Variants in PPP6R3 observed in about 807,000 individuals in gnomAD.
PPP6R3 encodes the protein serine/threonine-protein phosphatase 6 regulatory subunit 3.
A neutral mutation model predicts 110.7 loss-of-function variants in PPP6R3; 38 were observed. The ratio of observed to expected loss-of-function variants is 0.34; its 90% CI spans 0.26 to 0.45. The LOEUF is 0.45. Ranked by LOEUF, PPP6R3 falls within the 20% of genes least tolerant of loss-of-function variation. PPP6R3 has a pLI of 1.00. For synonymous variants in PPP6R3, 369 were observed against 373.5 expected, an observed-to-expected ratio of 0.99 and a Z score of 0.14; for missense variants, 870 against 1,062.4, an observed-to-expected ratio of 0.82 and a Z score of 2.52.
At chr11:68,535,177 G>A (rs976750034) in intron 2 of PPP6R3, among the ~76,000 whole-genome samples, 1 of 151,720 alleles carries the variant, frequency 6.6e-6, no homozygotes, top group Non-Finnish European at 1.5e-5. Flanking sequence ...TTTCCTTCAC[G>A]GCAAATGTGT....
intron 19 of PPP6R3, among the ~76,000 whole-genome samples, chr11:68,600,081 C>T (rs1331852099): frequency 5.3e-5 from 8 of 152,028 alleles, no homozygotes; most frequent in Non-Finnish European, 1.0e-4. Context: ...GAGATCGTGC[C>T]ACTGCACTCC....
intron 1 of PPP6R3, among the ~76,000 whole-genome samples, chr11:68,476,447 AC>A (rs1355471436): frequency 1.2e-5 from 1 of 80,926 alleles, no homozygotes; most frequent in African/African-American, 4.9e-5. Context: ...TCAGAGGGAG[AC>A]CGTGGGGAGA....
intron 3 of PPP6R3, among the ~76,000 whole-genome samples, chr11:68,539,421 T>C (rs887051948): frequency 1.3e-5 from 2 of 152,320 alleles, no homozygotes; most frequent in Admixed American, 1.3e-4. Context: ...GCACTTGTAT[T>C]ATATTGCTTC....
Position 68,596,210 on chromosome 11 carries a change from T to C in PPP6R3, c.2030T>C (p.Leu677Pro). 5 of 1,614,206 alleles carry C rather than the reference T, an allele frequency of 3.1e-6. No individual in the cohort carries two copies. The highest frequency in any genetic ancestry group is 4.2e-6 in the Non-Finnish European group (5 of 1,180,028). ...ACGGAGGATAAAATGGAGGTGGACC[T>C]GAGTGAACGTAAGTGGATTCATTCT... Reference protein sequence around the residue: ...ANTEDKMEVDLSEPPNWSANF... With the variant: ...ANTEDKMEVDPSEPPNWSANF... The change falls in exon 19 of 24, where the codon CTG becomes CCG. Residue 677 changes from leucine to proline, a missense_variant. By Grantham distance (98) the Leu-to-Pro change is moderately conservative. Transcript: ENST00000393800.
intron 1 of PPP6R3, among the ~76,000 whole-genome samples, chr11:68,473,172 G>C (rs2098804533): frequency 6.6e-6 from 1 of 152,176 alleles, no homozygotes; most frequent in Admixed American, 6.5e-5. Flanking sequence ...CTGGTCACTG[G>C]AAAGACCATG....
rs765989315 is a variant in PPP6R3 at position 68,590,655 on chromosome 11, T to C, written c.1731-5T>C. On this transcript the variant is annotated splice_region_variant and splice_polypyrimidine_tract_variant and intron_variant, in intron 16 of 23. Transcript: ENST00000393800. ...TTCCTACACTTTTATTTTGTTTTTTTACAGTGTTTCTTTTGATCGAGTATC... is the reference window on the plus strand; with the variant it reads ...TTCCTACACTTTTATTTTGTTTTTTCACAGTGTTTCTTTTGATCGAGTATC... 2.5e-6 allele frequency: 4 copies of C among 1,580,868 alleles called. No homozygotes were observed. Among genetic ancestry groups the C allele is most frequent in the African/African-American group, 1.3e-5 (1 of 74,658 alleles).
chr11:68,490,152 C>G (rs1445232875), intron 1 of PPP6R3, among the ~76,000 whole-genome samples: 1 of 152,064 alleles, frequency 6.6e-6, no homozygotes, highest in Non-Finnish European at 1.5e-5. Flanking sequence ...AAACAAATCC[C>G]CTCAATTTTG....
At chr11:68,469,611 T>C (rs1301233937) in intron 1 of PPP6R3, among the ~76,000 whole-genome samples, 1 of 151,732 alleles carries the variant, frequency 6.6e-6, no homozygotes, top group Non-Finnish European at 1.5e-5. Flanking sequence ...ACTCCTGGGC[T>C]CAAGCAGTCC....
chr11:68,610,988 G>C (rs1258338935), intron 23 of PPP6R3, among the ~76,000 whole-genome samples: 1 of 152,088 alleles, frequency 6.6e-6, no homozygotes, highest in Non-Finnish European at 1.5e-5. Flanking sequence ...GGAAATTGTA[G>C]CCAAAATAAA....
chr11:68,564,136 A>T (rs1412475196), intron 8 of PPP6R3, among the ~76,000 whole-genome samples, 167 bp from the exon 9 acceptor site: 1 of 152,222 alleles, frequency 6.6e-6, no homozygotes, highest in African/African-American at 2.4e-5. Context: ...TCTGAGCCTC[A>T]TGGAGGTTTC....
rs7125902 is a variant in PPP6R3, at chr11:68,552,947, G to C, written c.619-1198G>C. Reference sequence around the variant, plus strand: ...ATGACTTAGAAGAAAGTTAATTTTGGTTTTTGGACAGTCCTGTTGACACTT... The same window carrying C: ...ATGACTTAGAAGAAAGTTAATTTTGCTTTTTGGACAGTCCTGTTGACACTT... On this transcript the variant is annotated intron_variant, in intron 6 of 23. Transcript: ENST00000393800. 7.9e-3 allele frequency among the ~76,000 whole-genome samples: 1,197 copies of C among 152,300 alleles called. 19 individuals are homozygous for C. The highest frequency in any genetic ancestry group is 0.027 in the African/African-American group (1,133 of 41,564).
At chr11:68,526,178 C>G (rs1420859146) in intron 2 of PPP6R3, among the ~76,000 whole-genome samples, 1 of 152,112 alleles carries the variant, frequency 6.6e-6, no homozygotes, top group African/African-American at 2.4e-5. Flanking sequence ...TTCAGAAATT[C>G]CAAGAATCTT....
intron 2 of PPP6R3, among the ~76,000 whole-genome samples, chr11:68,527,435 C>T (rs2099205196): frequency 6.6e-6 from 1 of 152,156 alleles, no homozygotes; most frequent in Non-Finnish European, 1.5e-5. Context: ...CCTCAGGCGT[C>T]TTACCTTCAT....
intron 12 of PPP6R3, 67 bp from the exon 13 acceptor site, chr11:68,574,042 A>G (rs2099520880): frequency 8.9e-7 from 1 of 1,127,528 alleles, no homozygotes; most frequent in East Asian, 2.4e-5. Context: ...AGTCCGCAGT[A>G]TTTACCGAGT....
At chr11:68,599,003 G>C (rs2099622392) in intron 19 of PPP6R3, among the ~76,000 whole-genome samples, 1 of 152,202 alleles carries the variant, frequency 6.6e-6, no homozygotes, top group Admixed American at 6.5e-5. Flanking sequence ...TAAGTGAATA[G>C]TCATTATGAA....
In PPP6R3 at chr11:68,614,516, C is replaced by T. The variant is rs1944822152; in HGVS notation, c.*1399C>T. 2.2e-5 allele frequency: 32 copies of T among 1,425,582 alleles called. 1 individual carries two copies. The South Asian group carries it at 4.7e-4, about 21-fold the overall frequency. 88.3% of individuals were successfully genotyped at this position (1,425,582 alleles called of 1,614,324 possible). A position where few individuals can be genotyped will look rare whatever the true frequency, so the allele number is the denominator to read the frequency against. Reference sequence around the variant, plus strand: ...AAAGGATATTCTGAAAAATGGCCAACAATTTTTTTAGAAGTAGCATCCCAA... The same window carrying T: ...AAAGGATATTCTGAAAAATGGCCAATAATTTTTTTAGAAGTAGCATCCCAA... On this transcript the variant is annotated 3_prime_UTR_variant, in exon 24 of 24. Coordinates refer to ENST00000393800, the MANE Select transcript of PPP6R3 (RefSeq NM_001164161.2).
intron 1 of PPP6R3, 59 bp from the exon 2 acceptor site, chr11:68,519,442 G>C (rs2099153069): frequency 2.5e-6 from 1 of 392,674 alleles, no homozygotes; most frequent in Middle Eastern, 6.3e-4. Flanking sequence ...TTTAATGGCA[G>C]CTATCATCAC....
At chr11:68,611,291 C>T (rs1055367316) in intron 23 of PPP6R3, among the ~76,000 whole-genome samples, 10 of 152,180 alleles carry the variant, frequency 6.6e-5, no homozygotes, top group African/African-American at 2.4e-4. Flanking sequence ...TAGGCAGGAT[C>T]GTCCAGGTCT....
intron 14 of PPP6R3, among the ~76,000 whole-genome samples, chr11:68,579,015 C>T (rs10791983): frequency 1 from 152,230 of 152,328 alleles, 76,066 homozygotes; most frequent in Non-Finnish European, 1. Flanking sequence ...TGCCCTCTTC[C>T]CCAAGGGGGA....
Sources: gnomAD v4.1 joint callset for allele counts (sites outside exome capture counted in the v4.1 genomes callset) on GRCh38, gnomAD v4.1.1 for gene constraint, MANE v1.5 for transcripts, NCBI Gene and HGNC (gene_info 2026-07-23, HGNC 2026-07-21) for gene names.